Variants in PXDNL observed in about 807,000 individuals in gnomAD.
PXDNL encodes peroxidasin like.
Under a neutral mutation model 150.8 loss-of-function variants are expected in PXDNL, and 145 were observed. The observed-to-expected ratio is 0.96, with a 90% CI of 0.84 to 1.10. PXDNL has a LOEUF of 1.10. Among genes scored for constraint, PXDNL ranks in the 50% least tolerant of loss-of-function variants. The pLI, the probability that PXDNL is intolerant of heterozygous loss-of-function variation, is 0.00. For missense variants in PXDNL, 2,087 were observed against 1,873.9 expected (o/e 1.11, Z -2.10); for synonymous variants, 757 against 725.7 (o/e 1.04, Z -0.69).
chr8:51,549,503 A>C (rs1161890444), intron 4 of PXDNL, among the ~76,000 whole-genome samples: 2 of 152,204 alleles, frequency 1.3e-5, no homozygotes, highest in Admixed American at 6.5e-5. Context: ...ACAGGTGAAT[A>C]AAATTGGAAA....
At chr8:51,361,886 G>C (rs1991694) in intron 19 of PXDNL, among the ~76,000 whole-genome samples, 139,609 of 145,506 alleles carry the variant, frequency 0.96, 67,208 homozygotes, top group East Asian at 1. Context: ...TACTTGAACC[G>C]CAGGTCTTGC....
chr8:51,479,138 G>A (rs975582070), intron 6 of PXDNL, among the ~76,000 whole-genome samples: 3 of 152,022 alleles, frequency 2.0e-5, no homozygotes, highest in Non-Finnish European at 4.4e-5. Context: ...TGTAAGAGGA[G>A]GCTAGAACAA....
intron 1 of PXDNL, among the ~76,000 whole-genome samples, chr8:51,665,637 T>A (rs765186627): frequency 6.6e-6 from 1 of 152,216 alleles, no homozygotes; most frequent in Non-Finnish European, 1.5e-5. Context: ...TGCTAGTGAA[T>A]GAATCACTTA....
chr8:51,405,289 G>C (rs919913687), intron 17 of PXDNL, among the ~76,000 whole-genome samples: 1 of 152,240 alleles, frequency 6.6e-6, no homozygotes, highest in Admixed American at 6.5e-5. Flanking sequence ...AGGCCGAGGA[G>C]GTGCCCAGAG....
At chr8:51,614,681 C>T (rs1814095108) in intron 2 of PXDNL, among the ~76,000 whole-genome samples, 1 of 152,096 alleles carries the variant, frequency 6.6e-6, no homozygotes, top group Non-Finnish European at 1.5e-5. Context: ...TTAAAATCGA[C>T]TTTAGATTTT....
chr8:51,683,487 T>C (rs1171560953), intron 1 of PXDNL, among the ~76,000 whole-genome samples: 2 of 151,880 alleles, frequency 1.3e-5, no homozygotes, highest in Admixed American at 6.6e-5. Context: ...TTACCTAATA[T>C]TGGGGAGAGG....
chr8:51,444,261 C>A (rs1027704441), intron 12 of PXDNL, among the ~76,000 whole-genome samples: 1 of 151,982 alleles, frequency 6.6e-6, no homozygotes, highest in African/African-American at 2.4e-5. Flanking sequence ...GACTTTTGCA[C>A]CATCAGCGCA....
chr8:51,707,319 G>A (rs1028322157), intron 1 of PXDNL, among the ~76,000 whole-genome samples: 5 of 152,124 alleles, frequency 3.3e-5, no homozygotes, highest in African/African-American at 1.2e-4. Context: ...TCTTTCAGGG[G>A]AATTTTTAAG....
intron 17 of PXDNL, among the ~76,000 whole-genome samples, chr8:51,396,687 G>C (rs531549324): frequency 6.6e-6 from 1 of 152,186 alleles, no homozygotes; most frequent in Non-Finnish European, 1.5e-5. Context: ...GAACGTGGGA[G>C]GCAAAGGTTG....
At chr8:51,561,632 A>G (rs1378831206) in intron 3 of PXDNL, among the ~76,000 whole-genome samples, 1 of 151,968 alleles carries the variant, frequency 6.6e-6, no homozygotes, top group Non-Finnish European at 1.5e-5. Context: ...CAAGAAGACA[A>G]ATACTATGTG....
At chr8:51,333,483 C>T (rs1010554612) in intron 21 of PXDNL, among the ~76,000 whole-genome samples, 3 of 152,154 alleles carry the variant, frequency 2.0e-5, no homozygotes, top group Admixed American at 6.5e-5. Flanking sequence ...ATGAATGCAA[C>T]AGTACCTCAC....
chr8:51,334,964 A>T (rs1341437888), intron 21 of PXDNL, among the ~76,000 whole-genome samples: 1 of 152,130 alleles, frequency 6.6e-6, no homozygotes, highest in East Asian at 1.9e-4. Context: ...TAACTGTTTC[A>T]CTTTCTATAA....
intron 2 of PXDNL, among the ~76,000 whole-genome samples, chr8:51,593,372 A>T (rs1813490268): frequency 6.6e-6 from 1 of 152,206 alleles, no homozygotes; most frequent in South Asian, 2.1e-4. Flanking sequence ...TAGTAAAAAC[A>T]CTTAAAATTT....
intron 17 of PXDNL, among the ~76,000 whole-genome samples, chr8:51,381,424 T>A (rs1807535491): frequency 6.6e-6 from 1 of 152,058 alleles, no homozygotes; most frequent in Non-Finnish European, 1.5e-5. Flanking sequence ...AAGTAAACAA[T>A]ATTTTGTTAG....
chr8:51,735,422 T>C (rs981531984), intron 1 of PXDNL, among the ~76,000 whole-genome samples: 2 of 151,608 alleles, frequency 1.3e-5, no homozygotes, highest in African/African-American at 2.4e-5. Context: ...AAGGCAGAGG[T>C]TGCAGTGAGT....
At chr8:51,509,645 C>G (rs940748588) in intron 4 of PXDNL, among the ~76,000 whole-genome samples, 1 of 151,564 alleles carries the variant, frequency 6.6e-6, no homozygotes, top group Non-Finnish European at 1.5e-5. Flanking sequence ...CCAACTGTGA[C>G]CCTTCCTTTT....
intron 17 of PXDNL, among the ~76,000 whole-genome samples, chr8:51,386,782 A>G (rs1466518622): frequency 6.6e-6 from 1 of 151,232 alleles, no homozygotes; most frequent in Admixed American, 6.6e-5. Flanking sequence ...GCACCACTGC[A>G]CTCCAGCCTG....
intron 3 of PXDNL, among the ~76,000 whole-genome samples, chr8:51,575,576 G>T (rs1031418649): frequency 5.9e-5 from 9 of 151,840 alleles, no homozygotes; most frequent in African/African-American, 2.2e-4. Flanking sequence ...TTAGCCAGGT[G>T]GTGTGGTGCA....
intron 1 of PXDNL, among the ~76,000 whole-genome samples, chr8:51,695,877 T>C (rs10504125): frequency 0.76 from 115,328 of 152,112 alleles, 43,784 homozygotes; most frequent in East Asian, 0.82. Flanking sequence ...CGACTATTAC[T>C]GAGTATCCTT....
Sources: allele counts gnomAD v4.1 joint callset (sites outside exome capture counted in the v4.1 genomes callset), GRCh38; gene constraint gnomAD v4.1.1; transcripts MANE v1.5; gene names NCBI Gene and HGNC (gene_info 2026-07-23, HGNC 2026-07-21).